The following SUSD3 variants were observed in gnomAD, a reference collection of about 807,000 sequenced individuals.
SUSD3 encodes the protein sushi domain-containing protein 3.
In SUSD3, 18 loss-of-function variants were observed where a neutral mutation model predicts 20.6. The observed-to-expected ratio is 0.87, with a 90% confidence interval of 0.60 to 1.30. The LOEUF is 1.30. Ranked by LOEUF, SUSD3 falls within the 50% of genes most tolerant of loss-of-function variation. SUSD3 has a pLI of 0.00. For synonymous variants in SUSD3, 137 were observed against 141.5 expected (o/e 0.97, Z 0.23); for missense variants, 306 against 346.9 (o/e 0.88, Z 0.94).
In SUSD3 at chr9:93,072,475, A is replaced by G. The variant is rs529856230; in HGVS notation, c.89-3309A>G. On this transcript the variant is annotated intron_variant, in intron 1 of 4. Coordinates refer to ENST00000375472, the MANE Select transcript of SUSD3 (RefSeq NM_145006.4). The stretch of plus-strand genomic sequence containing the variant: ...GCCTCTGGTAGCCTCCACTTTTGCC[A>G]GATCCCAGACCAGACTTCGGAGCCT... 2.6e-5 allele frequency among the ~76,000 whole-genome samples: 4 copies of G among 152,298 alleles called. No homozygotes were observed. The East Asian group carries it at 7.7e-4, about 29-fold the overall frequency.
intron 1 of SUSD3, 53 bp from the exon 2 acceptor site, chr9:93,075,731 T>TGGGGGGGGGGGGGGGGGGGGGGGGGGG: frequency 2.3e-5 from 9 of 398,892 alleles, no homozygotes; most frequent in East Asian, 4.8e-5. Flanking sequence ...AGCCCTGCCC[T>TGGGGGGGGGGGGGGGGGGGGGGGGGGG]GCGTGCCCAC....
At chr9:93,074,616 C>CT (rs989411910) in intron 1 of SUSD3, among the ~76,000 whole-genome samples, 3,789 of 96,312 alleles carry the variant, frequency 0.039, 318 homozygotes, top group African/African-American at 0.12. Context: ...GCAGCAGATT[C>CT]TTTTTTTTTT....
In SUSD3 at chr9:93,058,762, C is replaced by A; in HGVS notation, c.20C>A (p.Thr7Asn). The A allele has an allele frequency of 8.1e-7, 1 of 1,236,806 alleles. No homozygotes were observed. The highest frequency in any genetic ancestry group is 3.7e-5 in the South Asian group (1 of 27,068). The allele number at this position is 1,236,806 out of a possible 1,614,324, so 76.6% of individuals were successfully genotyped here. MRWAAA[T>N]LRGKARPRGR... Reference sequence around the variant, plus strand: ...CGCAGGATGCGCTGGGCGGCCGCCACCCTCCGTGGCAAGGCGAGGCCCCGG... The same window carrying A: ...CGCAGGATGCGCTGGGCGGCCGCCAACCTCCGTGGCAAGGCGAGGCCCCGG... The change falls in exon 1 of 5, where the codon ACC (threonine) becomes AAC (asparagine). Residue 7 changes from threonine to asparagine, a missense_variant. Thr to Asn is a moderately conservative substitution (Grantham distance 65). Coordinates refer to ENST00000375472, the MANE Select transcript of SUSD3 (RefSeq NM_145006.4).
At chr9:93,073,244 CTT>C (rs573555207) in intron 1 of SUSD3, among the ~76,000 whole-genome samples, 6 of 123,892 alleles carry the variant, frequency 4.8e-5, no homozygotes, top group Admixed American at 8.4e-5. Flanking sequence ...TGTCCCTGTT[CTT>C]TTTTTTTTTT....
chr9:93,084,356 A>T (rs1422889116), intron 4 of SUSD3, among the ~76,000 whole-genome samples, 181 bp from the exon 5 acceptor site: 1 of 152,048 alleles, frequency 6.6e-6, no homozygotes, highest in East Asian at 1.9e-4. Context: ...AGGGAGATGG[A>T]GTGACCTCTG....
At chr9:93,061,363 G>A (rs1167879637) in intron 1 of SUSD3, among the ~76,000 whole-genome samples, 2 of 152,272 alleles carry the variant, frequency 1.3e-5, no homozygotes, top group African/African-American at 4.8e-5. Context: ...ACCCTGTGAT[G>A]CCTGGCTATG....
chr9:93,079,719 C>T (rs981570302), intron 4 of SUSD3, 117 bp downstream of exon 4: 81 of 1,086,138 alleles, frequency 7.5e-5, no homozygotes, highest in Admixed American at 1.5e-4. Context: ...ACGCCTAGCC[C>T]ACCCAGAACC....
chr9:93,075,982 C>T lies in SUSD3; in HGVS notation c.277+10C>T, dbSNP rs775992481. ...TCCCCAGTGTGCAAACGTAAGGACC[C>T]CTCTCTCAGCTCGGTGGCTCTGGGG... On this transcript the variant is annotated intron_variant, in intron 2 of 4. Coordinates refer to ENST00000375472, the MANE Select transcript of SUSD3 (RefSeq NM_145006.4). 2.5e-6 allele frequency: 4 copies of T among 1,575,788 alleles called. No individual in the cohort carries two copies. In the East Asian group the frequency reaches 6.8e-5, roughly 27 times the overall value.
intron 1 of SUSD3, among the ~76,000 whole-genome samples, chr9:93,062,643 A>AG: frequency 6.6e-6 from 1 of 152,246 alleles, no homozygotes; most frequent in South Asian, 2.1e-4. Flanking sequence ...GGGAGGGGAC[A>AG]GGGGACAGAT....
At chr9:93,060,209 G>GCTCTGC (rs760605824) in intron 1 of SUSD3, among the ~76,000 whole-genome samples, 5 of 152,192 alleles carry the variant, frequency 3.3e-5, no homozygotes, top group Non-Finnish European at 5.9e-5. Context: ...CCTGGCCCTG[G>GCTCTGC]CTCTGCCTCT....
At position 93,058,778 on chromosome 9, in the gene SUSD3, G is replaced by T. The variant is rs1446315472; in HGVS notation, c.36G>T (p.Ala12=). ...RWAAATLRGK[A]RPRGRAGVTT... ...CGGCCGCCACCCTCCGTGGCAAGGC[G>T]AGGCCCCGGGGGCGGGCCGGGGTCA... Residue 12 remains alanine (A), a synonymous_variant, in exon 1 of 5, where the codon GCG becomes GCT. Coordinates refer to ENST00000375472, the MANE Select transcript of SUSD3 (RefSeq NM_145006.4). The T allele has an allele frequency of 1.6e-6, 2 of 1,238,974 alleles. No homozygotes were observed. The highest frequency in any genetic ancestry group is 3.1e-5 in the African/African-American group (2 of 64,330). 76.7% of individuals were successfully genotyped at this position (1,238,974 alleles called of 1,614,324 possible).
intron 4 of SUSD3, among the ~76,000 whole-genome samples, chr9:93,083,348 C>T (rs886350496): frequency 1.3e-5 from 2 of 152,092 alleles, no homozygotes; most frequent in African/African-American, 4.8e-5. Context: ...GAGTCCCCAG[C>T]CCTGGGCCCC....
chr9:93,071,306 T>C (rs764238273), intron 1 of SUSD3, among the ~76,000 whole-genome samples: 9 of 152,100 alleles, frequency 5.9e-5, no homozygotes, highest in African/African-American at 1.7e-4. Flanking sequence ...ACCTCAAAAG[T>C]AGGGAAGACA....
intron 4 of SUSD3, among the ~76,000 whole-genome samples, chr9:93,080,446 G>T (rs1409994917): frequency 6.6e-6 from 1 of 152,038 alleles, no homozygotes; most frequent in Non-Finnish European, 1.5e-5. Flanking sequence ...TCCTTAAACT[G>T]GTATGGGCCT....
At chr9:93,071,264 T>C (rs543455744) in intron 1 of SUSD3, among the ~76,000 whole-genome samples, 3 of 152,290 alleles carry the variant, frequency 2.0e-5, no homozygotes, top group East Asian at 3.9e-4. Context: ...GCCTGCAAGC[T>C]AAGGAGCAAG....
rs1184016694 is a variant in SUSD3, at chr9:93,077,916, C to T, written c.348C>T (p.Ile116=). Reference sequence around the variant, plus strand: ...CCTCCATTGTGAGCTGTGCCATCATCCTGCTCATGTCCATGGCCTTCCTCA... The same window carrying T: ...CCTCCATTGTGAGCTGTGCCATCATTCTGCTCATGTCCATGGCCTTCCTCA... ...VIASIVSCAI[I]LLMSMAFLTC... The change falls in exon 3 of 5, where the codon ATC becomes ATT. Residue 116 remains isoleucine, a synonymous_variant. Coordinates refer to ENST00000375472, the MANE Select transcript of SUSD3 (RefSeq NM_145006.4). 6.2e-7 allele frequency: 1 copy of T among 1,614,242 alleles called. No homozygotes were observed.
In SUSD3 at chr9:93,072,597, C is replaced by T. The variant is rs150644253; in HGVS notation, c.89-3187C>T. On this transcript the variant is annotated intron_variant, in intron 1 of 4. Coordinates refer to ENST00000375472, the MANE Select transcript of SUSD3 (RefSeq NM_145006.4). ...ACCTCTCTGAGCCTCAGTTTCCCCC[C>T]AGATGGGCTTGTGAATTGAGATGTG... is the stretch of plus-strand genomic sequence containing the variant. Among the ~76,000 whole-genome samples the T allele has an allele frequency of 2.6e-3, 403 of 152,308 alleles. 1 individual carries two copies. The highest frequency in any genetic ancestry group is 9.4e-3 in the African/African-American group (392 of 41,566).
At chr9:93,065,604 C>T (rs972897555) in intron 1 of SUSD3, among the ~76,000 whole-genome samples, 8 of 152,200 alleles carry the variant, frequency 5.3e-5, no homozygotes, top group African/African-American at 1.2e-4. Context: ...GAGGGGGCCA[C>T]GTGGCCAGCC....
At chr9:93,077,654 A>G (rs1826221056) in intron 2 of SUSD3, among the ~76,000 whole-genome samples, 192 bp from the exon 3 acceptor site, 1 of 151,970 alleles carries the variant, frequency 6.6e-6, no homozygotes, top group South Asian at 2.1e-4. Context: ...CTCCAAATAT[A>G]GTTTGCACAG....
Sources: allele counts gnomAD v4.1 joint callset (sites outside exome capture counted in the v4.1 genomes callset), GRCh38; gene constraint gnomAD v4.1.1; transcripts MANE v1.5; gene names NCBI Gene and HGNC (gene_info 2026-07-23, HGNC 2026-07-21).